The following RASAL2 variants were observed in gnomAD, a reference collection of about 807,000 sequenced individuals.
RASAL2 encodes the protein ras GTPase-activating protein nGAP.
In RASAL2, 58 loss-of-function variants were observed where a neutral mutation model predicts 128.9. The ratio of observed to expected loss-of-function variants is 0.45; its 90% CI spans 0.36 to 0.56. The LOEUF (loss-of-function observed/expected upper bound fraction) is 0.56. Among genes scored for constraint, RASAL2 ranks in the 20% least tolerant of loss-of-function variants. The probability of loss-of-function intolerance (pLI) is 0.00; values close to 1 mark genes in which losing one functional copy is unlikely to be tolerated. For synonymous variants in RASAL2, 561 were observed against 580.8 expected (o/e 0.97, Z 0.49); for missense variants, 1,360 against 1,601.6 (o/e 0.85, Z 2.57).
At position 178,466,073 on chromosome 1, in the gene RASAL2, C is replaced by A; in HGVS notation, c.3541C>A (p.Arg1181=). The part of the protein sequence containing the change: ...ARLEDSEERL[R]RQQEEKDSQM... Reference sequence around the variant, plus strand: ...ACTGGAGGACAGCGAGGAGCGGCTCCGAAGACAGCAGGAAGAAAAAGATAG... The same window carrying A: ...ACTGGAGGACAGCGAGGAGCGGCTCAGAAGACAGCAGGAAGAAAAAGATAG... Residue 1181 remains arginine (R), a synonymous_variant, in exon 16 of 18, where the codon CGA becomes AGA. Transcript: ENST00000367649. The A allele has an allele frequency of 6.3e-7, 1 of 1,580,026 alleles. No homozygotes were observed.
In RASAL2 at chr1:178,128,165, G is replaced by T. The variant is rs1452313226; in HGVS notation, c.202+33471G>T. 2.0e-5 allele frequency among the ~76,000 whole-genome samples: 3 copies of T among 151,906 alleles called. No homozygotes were observed. In the East Asian group the frequency reaches 5.8e-4, roughly 29 times the overall value. ...TACCCGAGTATTTATGATCTCTTTG[G>T]TGTCTAAAGAATTTCTTTCCTTTAA... On this transcript the variant is annotated intron_variant, in intron 1 of 17. Transcript: ENST00000367649.
At chr1:178,264,515 AT>A (rs1665852298) in intron 1 of RASAL2, among the ~76,000 whole-genome samples, 2 of 152,266 alleles carry the variant, frequency 1.3e-5, no homozygotes, top group South Asian at 4.1e-4. Context: ...AGATTTGATA[AT>A]TTGCTATAGT....
rs529543919 is a variant in RASAL2 at position 178,347,592 on chromosome 1, C to T, written c.458-42508C>T. Among the ~76,000 whole-genome samples, 3 of 152,074 alleles carry T rather than the reference C, an allele frequency of 2.0e-5. No individual in the cohort carries two copies. In the East Asian group the frequency reaches 5.8e-4, roughly 29 times the overall value. On this transcript the variant is annotated intron_variant, in intron 3 of 17. Coordinates refer to ENST00000367649, the MANE Select transcript of RASAL2 (RefSeq NM_170692.4). ...GCTATTGTTAGTCATCAGGGAAATG[C>T]AAATTTAAACCAAAATAGGATTACA...
intron 1 of RASAL2, among the ~76,000 whole-genome samples, chr1:178,170,766 C>T (rs945809231): frequency 6.6e-6 from 1 of 151,548 alleles, no homozygotes; most frequent in African/African-American, 2.4e-5. Context: ...AATATTTATT[C>T]ATCAGCAATT....
intron 1 of RASAL2, among the ~76,000 whole-genome samples, chr1:178,213,645 T>G (rs1663329199): frequency 6.6e-6 from 1 of 151,536 alleles, no homozygotes; most frequent in African/African-American, 2.4e-5. Flanking sequence ...TATAATTTTA[T>G]TTATATATAA....
intron 3 of RASAL2, among the ~76,000 whole-genome samples, chr1:178,310,216 T>C (rs1277559815): frequency 6.6e-6 from 1 of 152,162 alleles, no homozygotes; most frequent in Non-Finnish European, 1.5e-5. Context: ...AGGTTGTGCA[T>C]AAGGAAACAC....
At chr1:178,095,673 G>A (rs1188163548) in intron 1 of RASAL2, among the ~76,000 whole-genome samples, 1 of 152,176 alleles carries the variant, frequency 6.6e-6, no homozygotes, top group African/African-American at 2.4e-5. Flanking sequence ...TTTCTGAACA[G>A]GGTATATGCT....
intron 1 of RASAL2, among the ~76,000 whole-genome samples, chr1:178,228,143 A>G (rs970062125): frequency 6.6e-6 from 1 of 152,138 alleles, no homozygotes; most frequent in Non-Finnish European, 1.5e-5. Context: ...CTGAGTCTTC[A>G]CCTTTATTTC....
rs6675392 is a variant in RASAL2, at chr1:178,308,637, C to A, written c.457+8519C>A. ...CATGACTCACTGCAGCCTCAACTTC[C>A]TAGGCTCAACTGATTCTCCCACCTC... On this transcript the variant is annotated intron_variant, in intron 3 of 17. Transcript: ENST00000367649. Among the ~76,000 whole-genome samples the A allele has an allele frequency of 5.0e-3, 748 of 150,330 alleles. 13 individuals carry two copies. Among genetic ancestry groups the A allele is most frequent in the African/African-American group, 0.018 (719 of 40,682 alleles).
chr1:178,107,463 A>G (rs1659135275), intron 1 of RASAL2, among the ~76,000 whole-genome samples: 1 of 151,992 alleles, frequency 6.6e-6, no homozygotes, highest in Admixed American at 6.6e-5. Flanking sequence ...TGTTTTTTTT[A>G]TTATGGTAAA....
intron 1 of RASAL2, among the ~76,000 whole-genome samples, chr1:178,172,608 T>C (rs1661739522): frequency 1.3e-5 from 2 of 151,956 alleles, no homozygotes; most frequent in African/African-American, 4.8e-5. Context: ...TCAAAAGTGA[T>C]TATATAGTAA....
chr1:178,302,037 A>G (rs1667790007), intron 3 of RASAL2, among the ~76,000 whole-genome samples: 1 of 152,154 alleles, frequency 6.6e-6, no homozygotes, highest in South Asian at 2.1e-4. Context: ...TTGCACTAAA[A>G]GCTATCCTCG....
intron 3 of RASAL2, among the ~76,000 whole-genome samples, chr1:178,311,212 A>T (rs1668228272): frequency 6.6e-6 from 1 of 151,202 alleles, no homozygotes; most frequent in African/African-American, 2.4e-5. Context: ...CATCAAGGAT[A>T]TGGAGAACGA....
intron 1 of RASAL2, among the ~76,000 whole-genome samples, chr1:178,139,238 G>T (rs1295072186): frequency 6.6e-6 from 1 of 151,834 alleles, no homozygotes; most frequent in Non-Finnish European, 1.5e-5. Context: ...TATACTTTCT[G>T]TTTAGATTTC....
chr1:178,438,881 C>G (rs962085087), intron 5 of RASAL2, among the ~76,000 whole-genome samples: 40 of 129,392 alleles, frequency 3.1e-4, no homozygotes, highest in African/African-American at 1.0e-3. Flanking sequence ...AGCTTCGACT[C>G]TGTGTGTGTG....
chr1:178,327,627 C>G (rs747301105), intron 3 of RASAL2, among the ~76,000 whole-genome samples: 4 of 152,146 alleles, frequency 2.6e-5, no homozygotes, highest in South Asian at 2.1e-4. Flanking sequence ...TCTGGGATTA[C>G]AGACATGAGC....
intron 1 of RASAL2, among the ~76,000 whole-genome samples, chr1:178,250,094 A>G (rs1664970400): frequency 6.6e-6 from 1 of 152,048 alleles, no homozygotes; most frequent in South Asian, 2.1e-4. Context: ...ATTGTGCTGG[A>G]AGGGCCCTCT....
intron 4 of RASAL2, among the ~76,000 whole-genome samples, chr1:178,393,243 T>G (rs960686725): frequency 6.6e-6 from 1 of 152,202 alleles, no homozygotes; most frequent in African/African-American, 2.4e-5. Flanking sequence ...TTTCTGTTAT[T>G]ATTAGGTTGT....
rs763261851 is a variant in RASAL2, at chr1:178,468,909, A to G, written c.3678+1488A>G. Among the ~76,000 whole-genome samples the G allele has an allele frequency of 1.1e-3, 175 of 152,360 alleles. 1 individual carries two copies. The highest frequency in any genetic ancestry group is 3.4e-3 in the Middle Eastern group (1 of 294). On this transcript the variant is annotated intron_variant, in intron 17 of 17. Transcript: ENST00000367649. ...ACTTTGGAAATTTCAATATAACAAT[A>G]TAAAGCAAGAAGAGTTCTATTAATA...
Sources: allele counts gnomAD v4.1 joint callset (sites outside exome capture counted in the v4.1 genomes callset), GRCh38; gene constraint gnomAD v4.1.1; transcripts MANE v1.5; gene names NCBI Gene and HGNC (gene_info 2026-07-23, HGNC 2026-07-21).